The following UBE2F variants were observed in gnomAD, a reference collection of about 807,000 sequenced individuals.
UBE2F encodes the protein ubiquitin conjugating enzyme E2 F (putative), also known as NEDD8-conjugating enzyme UBE2F.
UBE2F carries 5 observed loss-of-function variants against 29.6 expected under a neutral mutation model. The ratio of observed to expected loss-of-function variants is 0.17; its 90% confidence interval spans 0.09 to 0.36. The LOEUF is 0.36. UBE2F is among the 10% of genes least tolerant of loss of function. The pLI is 1.00. For synonymous variants in UBE2F, 66 were observed against 81.8 expected, an observed-to-expected ratio of 0.81 and a Z score of 1.04; for missense variants, 141 against 228.5, an observed-to-expected ratio of 0.62 and a Z score of 2.47.
At chr2:237,973,310 T>C in intron 2 of UBE2F, 85 bp downstream of exon 2, 1 of 1,416,048 alleles carries the variant, frequency 7.1e-7, no homozygotes, top group Non-Finnish European at 9.8e-7. Flanking sequence ...TAAAGCAACC[T>C]ACTGCTGAAT....
intron 4 of UBE2F, among the ~76,000 whole-genome samples, chr2:238,007,600 A>G (rs897491869): frequency 6.6e-6 from 1 of 152,070 alleles, no homozygotes; most frequent in African/African-American, 2.4e-5. Context: ...TAATTTGCCA[A>G]ATGCTTTTTC....
chr2:238,036,311 C>CT (rs940168767), intron 9 of UBE2F, among the ~76,000 whole-genome samples: 1 of 152,088 alleles, frequency 6.6e-6, no homozygotes, highest in Non-Finnish European at 1.5e-5. Context: ...GTAGCTAGGA[C>CT]TACAGGTGCA....
At chr2:238,038,310 G>A (rs1362681156) in intron 9 of UBE2F, among the ~76,000 whole-genome samples, 1 of 152,170 alleles carries the variant, frequency 6.6e-6, no homozygotes, top group Non-Finnish European at 1.5e-5. Context: ...AGTAGCAGGG[G>A]TGTGAGGCAG....
chr2:238,024,553 T>G (rs2064370598), intron 5 of UBE2F, among the ~76,000 whole-genome samples: 1 of 152,106 alleles, frequency 6.6e-6, no homozygotes, highest in African/African-American at 2.4e-5. Context: ...TATATTGCCC[T>G]GGCTAATCTT....
chr2:238,025,484 T>C (rs2064404967), intron 6 of UBE2F, 72 bp downstream of exon 6: 1 of 1,355,744 alleles, frequency 7.4e-7, no homozygotes, highest in Non-Finnish European at 1.0e-6. Context: ...TTAAACATGT[T>C]GTCTCCTCTG....
At chr2:238,021,605 T>C (rs1156659075) in intron 5 of UBE2F, among the ~76,000 whole-genome samples, 1 of 152,232 alleles carries the variant, frequency 6.6e-6, no homozygotes, top group Non-Finnish European at 1.5e-5. Flanking sequence ...AGCACTTCCT[T>C]GTATGATGTA....
In UBE2F at chr2:238,041,435, C is replaced by T. The variant is rs1422032886; in HGVS notation, c.*97C>T. The T allele has an allele frequency of 2.3e-6, 3 of 1,281,860 alleles. No individual in the cohort carries two copies. The highest frequency in any genetic ancestry group is 1.5e-5 in the African/African-American group (1 of 68,536). The allele number at this position is 1,281,860 out of a possible 1,614,324, so 79.4% of individuals were successfully genotyped here. A position where few individuals can be genotyped will look rare whatever the true frequency, so the allele number is the denominator to read the frequency against. On this transcript the variant is annotated 3_prime_UTR_variant, in exon 10 of 10. Transcript: ENST00000272930. ...CCCCTCTCCCGTCCTCATGCTCCCTCTCAGTCCCCTGGATTGCCCCAGTCC... is the reference window on the plus strand; with the variant it reads ...CCCCTCTCCCGTCCTCATGCTCCCTTTCAGTCCCCTGGATTGCCCCAGTCC...
chr2:238,003,770 T>G (rs2106366091), intron 4 of UBE2F, among the ~76,000 whole-genome samples: 1 of 152,356 alleles, frequency 6.6e-6, no homozygotes, highest in South Asian at 2.1e-4. Context: ...TTTAGTGGGC[T>G]ATAATTTACA....
At position 238,040,256 on chromosome 2, in the gene UBE2F, G is replaced by A. The variant is rs577112654; in HGVS notation, c.508-1032G>A. Among the ~76,000 whole-genome samples, 1 of 152,374 alleles carries A rather than the reference G, an allele frequency of 6.6e-6. No homozygotes were observed. The highest frequency in any genetic ancestry group is 2.4e-5 in the African/African-American group (1 of 41,592). ...GCTGGCCAGGACCATGCTCCAGGCAGGATCTCCCTGCAAGAGGGCATCGCG... is the reference window on the plus strand; with the variant it reads ...GCTGGCCAGGACCATGCTCCAGGCAAGATCTCCCTGCAAGAGGGCATCGCG... On this transcript the variant is annotated intron_variant, in intron 9 of 9. Transcript: ENST00000272930. This position sits in a 1 kb window ranked among gnomAD's most constrained non-coding sequence, Gnocchi z 4.4.
At chr2:238,004,480 A>G (rs2063861019) in intron 4 of UBE2F, among the ~76,000 whole-genome samples, 1 of 152,048 alleles carries the variant, frequency 6.6e-6, no homozygotes, top group Non-Finnish European at 1.5e-5. Context: ...GTGTTTTATA[A>G]ATGTTTTTTC....
intron 4 of UBE2F, among the ~76,000 whole-genome samples, chr2:238,012,531 A>G (rs745436699): frequency 1.2e-4 from 18 of 152,198 alleles, no homozygotes; most frequent in Non-Finnish European, 2.4e-4. Flanking sequence ...GTATTTTTAA[A>G]AATCTTATTA....
At position 238,034,424 on chromosome 2, in the gene UBE2F, G is replaced by A. The variant is rs749517834; in HGVS notation, c.445-1454G>A. On this transcript the variant is annotated intron_variant, in intron 8 of 9. Coordinates refer to ENST00000272930, the MANE Select transcript of UBE2F (RefSeq NM_080678.3). ...GGCTGGGCAACAAGAGCGAAAATCCGTCTCAAAAAAAAAAATTTTTTTTTA... is the reference window on the plus strand; with the variant it reads ...GGCTGGGCAACAAGAGCGAAAATCCATCTCAAAAAAAAAAATTTTTTTTTA... Among the ~76,000 whole-genome samples, 30 of 151,606 alleles carry A rather than the reference G, an allele frequency of 2.0e-4. 1 individual carries two copies. Among genetic ancestry groups the A allele is most frequent in the South Asian group, 4.2e-4 (2 of 4,814 alleles).
At chr2:238,032,062 AC>A (rs999246631) in intron 7 of UBE2F, among the ~76,000 whole-genome samples, 159 bp from the exon 8 acceptor site, 43 of 152,360 alleles carry the variant, frequency 2.8e-4, no homozygotes, top group African/African-American at 1.0e-3. Context: ...GTTTGTTGTT[AC>A]ACTTGAAGAG....
chr2:238,007,277 A>G (rs910355408), intron 4 of UBE2F, among the ~76,000 whole-genome samples: 1 of 151,860 alleles, frequency 6.6e-6, no homozygotes, highest in Admixed American at 6.6e-5. Flanking sequence ...GCCCACCACC[A>G]TGCCCAGCTA....
At chr2:238,017,993 C>T (rs1157978867) in intron 5 of UBE2F, among the ~76,000 whole-genome samples, 2 of 152,176 alleles carry the variant, frequency 1.3e-5, no homozygotes, top group African/African-American at 4.8e-5. Flanking sequence ...ATTTAAGGTT[C>T]TTTTTGAAAT....
At chr2:237,974,140 C>T (rs1255437681) in intron 2 of UBE2F, among the ~76,000 whole-genome samples, 3 of 150,990 alleles carry the variant, frequency 2.0e-5, no homozygotes, top group African/African-American at 7.3e-5. Context: ...ATTACGGGCA[C>T]CCGCCACCAC....
chr2:238,027,508 G>T (rs2064459736), intron 6 of UBE2F, among the ~76,000 whole-genome samples: 1 of 152,202 alleles, frequency 6.6e-6, no homozygotes, highest in Non-Finnish European at 1.5e-5. Flanking sequence ...AGGAGTGTGT[G>T]ACAGAGAGCG....
chr2:237,993,330 G>A (rs2063627052), intron 3 of UBE2F, among the ~76,000 whole-genome samples: 1 of 152,160 alleles, frequency 6.6e-6, no homozygotes, highest in Admixed American at 6.5e-5. Flanking sequence ...GACTGTGGAT[G>A]TCTGTGGTGC....
chr2:238,032,372 G>A, intron 8 of UBE2F, 118 bp downstream of exon 8: 2 of 889,348 alleles, frequency 2.2e-6, no homozygotes, highest in Non-Finnish European at 1.8e-6. Flanking sequence ...CATGGACTGG[G>A]CACAGTGGCT....
Sources: gnomAD v4.1 joint callset for allele counts (sites outside exome capture counted in the v4.1 genomes callset) on GRCh38, gnomAD v4.1.1 for gene constraint, Gnocchi (gnomAD v3.1) non-coding constraint, MANE v1.5 for transcripts, NCBI Gene and HGNC (gene_info 2026-07-23, HGNC 2026-07-21) for gene names.